Variants in AKAP10 observed in about 807,000 individuals in gnomAD.
AKAP10 encodes A-kinase anchoring protein 10.
AKAP10 carries 24 observed loss-of-function variants against 80.8 expected under a neutral mutation model. The ratio of observed to expected loss-of-function variants is 0.30; its 90% CI spans 0.22 to 0.42. The LOEUF is 0.42. AKAP10 is among the 10% of genes least tolerant of loss of function. AKAP10 has a pLI of 1.00. For synonymous variants in AKAP10, 291 were observed against 277.7 expected (o/e 1.05, Z -0.48); for missense variants, 661 against 794.9 (o/e 0.83, Z 2.03).
chr17:19,933,481 C>T (rs1423246958), intron 9 of AKAP10, among the ~76,000 whole-genome samples: 2 of 152,120 alleles, frequency 1.3e-5, no homozygotes, highest in African/African-American at 4.8e-5. Flanking sequence ...TGACAGTGTT[C>T]TTAAAATTAG....
At chr17:19,961,430 T>C (rs1169362214) in intron 3 of AKAP10, among the ~76,000 whole-genome samples, 1 of 152,140 alleles carries the variant, frequency 6.6e-6, no homozygotes, top group East Asian at 1.9e-4. Flanking sequence ...CATCAGCAAT[T>C]TATGAGTGAT....
At chr17:19,965,851 T>A (rs2043410418) in intron 2 of AKAP10, among the ~76,000 whole-genome samples, 1 of 151,932 alleles carries the variant, frequency 6.6e-6, no homozygotes, top group Admixed American at 6.6e-5. Flanking sequence ...AGTTTCTCTA[T>A]GTACCTTTTT....
intron 11 of AKAP10, among the ~76,000 whole-genome samples, chr17:19,920,746 G>A (rs1163261043): frequency 6.6e-6 from 1 of 151,018 alleles, no homozygotes; most frequent in Non-Finnish European, 1.5e-5. Flanking sequence ...GGGAGGCTAA[G>A]GCAGGAGAAT....
chr17:19,911,258 C>CT (rs2042686764), intron 12 of AKAP10, among the ~76,000 whole-genome samples: 1 of 152,148 alleles, frequency 6.6e-6, no homozygotes, highest in South Asian at 2.1e-4. Flanking sequence ...CAGAGTCACT[C>CT]TATTGACATG....
chr17:19,957,819 A>T (rs1285053510), intron 4 of AKAP10, among the ~76,000 whole-genome samples, 195 bp downstream of exon 4: 1 of 115,500 alleles, frequency 8.7e-6, no homozygotes, highest in South Asian at 2.5e-4. Flanking sequence ...ACTTCTTAGA[A>T]GGTCCAGTCA....
intron 1 of AKAP10, among the ~76,000 whole-genome samples, chr17:19,975,189 G>C (rs551865462): frequency 1.3e-5 from 2 of 152,160 alleles, no homozygotes; most frequent in African/African-American, 4.8e-5. Flanking sequence ...ATCATACCCA[G>C]CAATTTTTTA....
chr17:19,935,302 G>C, intron 9 of AKAP10, among the ~76,000 whole-genome samples: 1 of 152,082 alleles, frequency 6.6e-6, no homozygotes, highest in Non-Finnish European at 1.5e-5. Flanking sequence ...ATCTGTATAG[G>C]GCACTTACCA....
chr17:19,909,010 T>C (rs766772268), intron 14 of AKAP10, among the ~76,000 whole-genome samples, 171 bp downstream of exon 14: 1 of 152,222 alleles, frequency 6.6e-6, no homozygotes, highest in Admixed American at 6.5e-5. Context: ...TTGTCCAATA[T>C]ATGCAAACAG....
intron 4 of AKAP10, 29 bp from the exon 5 acceptor site, chr17:19,947,534 C>T (rs2152415859): frequency 6.7e-7 from 1 of 1,499,194 alleles, no homozygotes; most frequent in Non-Finnish European, 9.3e-7. Context: ...ACTTCAAAAA[C>T]CAAAAAGCAA....
chr17:19,923,348 G>C (rs2042839086), intron 11 of AKAP10, among the ~76,000 whole-genome samples: 1 of 152,126 alleles, frequency 6.6e-6, no homozygotes, highest in African/African-American at 2.4e-5. Context: ...AAAGTGGTGG[G>C]ATTACAGGCG....
At chr17:19,937,593 G>C (rs776454456) in intron 8 of AKAP10, among the ~76,000 whole-genome samples, 3 of 152,204 alleles carry the variant, frequency 2.0e-5, no homozygotes, top group African/African-American at 7.2e-5. Flanking sequence ...TATTGAGTAA[G>C]TTGGTCAATA....
chr17:19,927,257 C>T lies in AKAP10; in HGVS notation c.1642-2740G>A, dbSNP rs958456983. 1.2e-4 allele frequency among the ~76,000 whole-genome samples: 19 copies of T among 152,016 alleles called. 1 individual carries two copies. The highest frequency in any genetic ancestry group is 4.4e-4 in the African/African-American group (18 of 41,360). ...GCTGAAGTAAGAGGATCACTTCGGC[C>T]CAGGAAGTTGAGGTGGCAGTGAGCT... On this transcript the variant is annotated intron_variant, in intron 10 of 14. Coordinates refer to ENST00000225737, the MANE Select transcript of AKAP10 (RefSeq NM_007202.4).
intron 12 of AKAP10, among the ~76,000 whole-genome samples, chr17:19,917,246 CAG>C (rs1335281100): frequency 6.6e-6 from 1 of 151,528 alleles, no homozygotes; most frequent in Non-Finnish European, 1.5e-5. Flanking sequence ...GCCTGGCCGA[CAG>C]AGAGAGACTC....
At chr17:19,909,583 G>C (rs968277182) in intron 13 of AKAP10, among the ~76,000 whole-genome samples, 1 of 152,030 alleles carries the variant, frequency 6.6e-6, no homozygotes, top group African/African-American at 2.4e-5. Context: ...TATTAAAAAA[G>C]CAAGCCTCCA....
At position 19,909,206 on chromosome 17, in the gene AKAP10, T is replaced by C; in HGVS notation, c.1958A>G (p.Asp653Gly). The change falls in exon 14 of 15, where the codon GAT becomes GGT. Residue 653 changes from aspartate (D) to glycine (G), a missense_variant. Coordinates refer to ENST00000225737, the MANE Select transcript of AKAP10 (RefSeq NM_007202.4). ...CTTTGTAGATTTCTCTAACGGTTGA[T>C]CATACTGAGCCTGCTGCATAATGTC... ...VSDIMQQAQY[D>G]QPLEKSTKL 2.5e-6 allele frequency: 4 copies of C among 1,613,234 alleles called. No homozygotes were observed. Among genetic ancestry groups the C allele is most frequent in the Non-Finnish European group, 3.4e-6 (4 of 1,179,796 alleles).
intron 2 of AKAP10, among the ~76,000 whole-genome samples, chr17:19,963,311 G>A (rs769046785): frequency 6.2e-5 from 9 of 146,252 alleles, no homozygotes; most frequent in Non-Finnish European, 1.2e-4. Flanking sequence ...TGCCTCCCAT[G>A]TTCAAGTGAT....
chr17:19,928,825 G>A (rs150969741), intron 10 of AKAP10, among the ~76,000 whole-genome samples: 1,567 of 152,190 alleles, frequency 0.01, 25 homozygotes, highest in African/African-American at 0.036. Flanking sequence ...AGCCGAGATT[G>A]TGCCACTGCA....
chr17:19,927,063 C>T (rs562771363), intron 10 of AKAP10, among the ~76,000 whole-genome samples: 10 of 151,728 alleles, frequency 6.6e-5, no homozygotes, highest in South Asian at 2.1e-4. Flanking sequence ...AGACAGGTTG[C>T]GTGTGGCTCA....
chr17:19,923,720 G>A lies in AKAP10; in HGVS notation c.1751+688C>T, dbSNP rs146530741. On this transcript the variant is annotated intron_variant, in intron 11 of 14. Coordinates refer to ENST00000225737, the MANE Select transcript of AKAP10 (RefSeq NM_007202.4). ...TTTTTGTATTTTTAGTAGAGACGGG[G>A]TTTCATCGTGTTAGCCAGGATGGTC... Among the ~76,000 whole-genome samples the A allele has an allele frequency of 2.6e-3, 399 of 151,916 alleles. 15 individuals carry two copies. The East Asian group carries it at 0.074, about 28-fold the overall frequency.
Sources: allele counts gnomAD v4.1 joint callset (sites outside exome capture counted in the v4.1 genomes callset), GRCh38; gene constraint gnomAD v4.1.1; transcripts MANE v1.5; gene names NCBI Gene and HGNC (gene_info 2026-07-23, HGNC 2026-07-21).